ZCCHC7: variants seen among roughly 807,000 people sequenced by gnomAD.
ZCCHC7 encodes zinc finger CCHC domain-containing protein 7.
In ZCCHC7, 35 loss-of-function variants were observed where a neutral mutation model predicts 52.0. That is an observed-to-expected ratio of 0.67 (90% confidence interval 0.51 to 0.89). The LOEUF is 0.89. Among genes scored for constraint, ZCCHC7 ranks in the 40% least tolerant of loss-of-function variants. The pLI is 0.00. For missense variants in ZCCHC7, 574 were observed against 649.1 expected (o/e 0.88, Z 1.26); for synonymous variants, 217 against 221.5 (o/e 0.98, Z 0.18).
chr9:37,233,613 A>G (rs753950611), intron 2 of ZCCHC7, among the ~76,000 whole-genome samples: 1 of 152,216 alleles, frequency 6.6e-6, no homozygotes, highest in Non-Finnish European at 1.5e-5. Flanking sequence ...GTTTAGTGGT[A>G]AGGTCAAGTA....
chr9:37,284,308 AAAGG>A (rs1253171094), intron 2 of ZCCHC7: 1 of 152,212 alleles, frequency 6.6e-6, no homozygotes, highest in African/African-American at 2.4e-5. Flanking sequence ...CAATATCTGA[AAAGG>A]AAGTACACAA....
At chr9:37,320,996 T>C (rs1037214029) in intron 5 of ZCCHC7, among the ~76,000 whole-genome samples, 3 of 146,994 alleles carry the variant, frequency 2.0e-5, no homozygotes, top group Non-Finnish European at 3.0e-5. Context: ...TCTTTTTTTT[T>C]TTTTTTTTTT....
At chr9:37,233,989 G>A in intron 2 of ZCCHC7, among the ~76,000 whole-genome samples, 1 of 152,110 alleles carries the variant, frequency 6.6e-6, no homozygotes. Flanking sequence ...GAGTAGCTGG[G>A]ACTACAGGCG....
intron 2 of ZCCHC7, among the ~76,000 whole-genome samples, chr9:37,142,894 A>C (rs1267348939): frequency 6.6e-6 from 1 of 151,842 alleles, no homozygotes; most frequent in African/African-American, 2.4e-5. Flanking sequence ...ACAGCTTTAA[A>C]AATAACAAGG....
At chr9:37,250,448 C>A (rs1200278425) in intron 2 of ZCCHC7, among the ~76,000 whole-genome samples, 1 of 151,932 alleles carries the variant, frequency 6.6e-6, no homozygotes, top group Non-Finnish European at 1.5e-5. Context: ...ATTACAGATG[C>A]CTGCCACCAC....
intron 2 of ZCCHC7, among the ~76,000 whole-genome samples, chr9:37,226,540 A>G (rs1825113888): frequency 6.6e-6 from 1 of 152,236 alleles, no homozygotes; most frequent in African/African-American, 2.4e-5. Flanking sequence ...TGGGACAGAA[A>G]AGAATCTAGT....
chr9:37,173,396 C>A (rs1016204408), intron 2 of ZCCHC7, among the ~76,000 whole-genome samples: 1 of 152,148 alleles, frequency 6.6e-6, no homozygotes, highest in Admixed American at 6.5e-5. Flanking sequence ...TTATCTTATG[C>A]ATACTATAAA....
chr9:37,122,669 G>A (rs1047123953), intron 1 of ZCCHC7, among the ~76,000 whole-genome samples: 1 of 152,240 alleles, frequency 6.6e-6, no homozygotes, highest in Non-Finnish European at 1.5e-5. Flanking sequence ...GCCATGTGCG[G>A]TGGCTCACGC....
intron 2 of ZCCHC7, among the ~76,000 whole-genome samples, chr9:37,270,852 TTTCTG>T (rs1457228700): frequency 2.0e-5 from 3 of 151,188 alleles, no homozygotes; most frequent in African/African-American, 7.3e-5. Context: ...ATTACTTTCA[TTTCTG>T]TTCATTCTGA....
chr9:37,120,807 C>G, intron 1 of ZCCHC7, 184 bp downstream of exon 1: 1 of 299,048 alleles, frequency 3.3e-6, no homozygotes, highest in Non-Finnish European at 6.1e-6. Context: ...CCCACGCGGC[C>G]GGGCTGCGGG....
intron 2 of ZCCHC7, among the ~76,000 whole-genome samples, chr9:37,184,165 TTAAG>T (rs1822520818): frequency 6.6e-6 from 1 of 152,218 alleles, no homozygotes; most frequent in African/African-American, 2.4e-5. Context: ...CCTTCTGTAG[TTAAG>T]TATTAGTTGA....
intron 2 of ZCCHC7, among the ~76,000 whole-genome samples, chr9:37,201,331 AATATGT>A (rs1823620312): frequency 6.6e-6 from 1 of 152,206 alleles, no homozygotes. Context: ...GACAAAAAGT[AATATGT>A]ATATGTGCCC....
At chr9:37,278,209 G>A (rs1247957802) in intron 2 of ZCCHC7, among the ~76,000 whole-genome samples, 1 of 152,044 alleles carries the variant, frequency 6.6e-6, no homozygotes, top group African/African-American at 2.4e-5. Context: ...GTAGGTGGGT[G>A]CCAACACAAC....
intron 2 of ZCCHC7, among the ~76,000 whole-genome samples, chr9:37,174,859 G>A (rs915130581): frequency 1.3e-4 from 20 of 152,084 alleles, no homozygotes; most frequent in African/African-American, 4.1e-4. Context: ...GATCCTGGCC[G>A]GGCATGGTGG....
chr9:37,325,181 G>A (rs1399114590), intron 5 of ZCCHC7, among the ~76,000 whole-genome samples: 1 of 152,136 alleles, frequency 6.6e-6, no homozygotes, highest in Non-Finnish European at 1.5e-5. Flanking sequence ...AACTAGTTGG[G>A]CAGAAGTTGG....
At chr9:37,171,058 T>C (rs1477914218) in intron 2 of ZCCHC7, among the ~76,000 whole-genome samples, 1 of 152,224 alleles carries the variant, frequency 6.6e-6, no homozygotes, top group African/African-American at 2.4e-5. Context: ...GCAATTGTAA[T>C]AGTATGGTTG....
chr9:37,276,430 T>A (rs546366642), intron 2 of ZCCHC7, among the ~76,000 whole-genome samples: 1 of 152,316 alleles, frequency 6.6e-6, no homozygotes, highest in Admixed American at 6.5e-5. Flanking sequence ...ATTACTTACC[T>A]ACTATGTGAC....
chr9:37,151,166 C>T (rs1820503015), intron 2 of ZCCHC7, among the ~76,000 whole-genome samples: 1 of 151,948 alleles, frequency 6.6e-6, no homozygotes, highest in African/African-American at 2.4e-5. Flanking sequence ...CGGGGTTTCA[C>T]CGTGTTAGCC....
chr9:37,205,759 A>C (rs1588478226), intron 2 of ZCCHC7, among the ~76,000 whole-genome samples: 1 of 152,114 alleles, frequency 6.6e-6, no homozygotes, highest in Non-Finnish European at 1.5e-5. Context: ...CTTGTGATCC[A>C]CCTGCCTTGG....
Sources: gnomAD v4.1 joint callset for allele counts (sites outside exome capture counted in the v4.1 genomes callset) on GRCh38, gnomAD v4.1.1 for gene constraint, MANE v1.5 for transcripts, NCBI Gene and HGNC (gene_info 2026-07-23, HGNC 2026-07-21) for gene names.